TSHZ2: variants seen among roughly 807,000 people sequenced by gnomAD.
TSHZ2 encodes the protein teashirt zinc finger homeobox 2.
In TSHZ2, 21 loss-of-function variants were observed where a neutral mutation model predicts 74.4. The ratio of observed to expected loss-of-function variants is 0.28; its 90% confidence interval spans 0.20 to 0.41. The LOEUF is 0.41. Among genes scored for constraint, TSHZ2 ranks in the 10% least tolerant of loss-of-function variants. TSHZ2 has a pLI of 1.00. For missense variants in TSHZ2, 1,244 were observed against 1,293.5 expected (o/e 0.96, Z 0.59); for synonymous variants, 540 against 515.3 (o/e 1.05, Z -0.65).
chr20:53,251,238 C>T (rs1990323147), intron 1 of TSHZ2, among the ~76,000 whole-genome samples: 1 of 152,154 alleles, frequency 6.6e-6, no homozygotes, highest in Non-Finnish European at 1.5e-5. Flanking sequence ...AGCGTATGTT[C>T]CAGAGTAATA....
intron 2 of TSHZ2, among the ~76,000 whole-genome samples, chr20:53,272,971 C>T (rs1184570552): frequency 6.6e-6 from 1 of 152,178 alleles, no homozygotes; most frequent in Admixed American, 6.5e-5. Context: ...GACAGGGCCA[C>T]CTACTTTAAA....
chr20:53,040,535 C>T (rs1984000141), intron 1 of TSHZ2, among the ~76,000 whole-genome samples: 1 of 152,122 alleles, frequency 6.6e-6, no homozygotes, highest in South Asian at 2.1e-4. Flanking sequence ...AAACTGGGCT[C>T]TCTGAGTGCA....
chr20:53,347,071 C>T (rs1219890071), intron 2 of TSHZ2, among the ~76,000 whole-genome samples: 1 of 152,176 alleles, frequency 6.6e-6, no homozygotes, highest in Non-Finnish European at 1.5e-5. Flanking sequence ...GGAAAGCAGT[C>T]CCTCACCCTA....
intron 2 of TSHZ2, among the ~76,000 whole-genome samples, chr20:53,338,989 C>CA (rs1438432189): frequency 6.6e-6 from 1 of 152,178 alleles, no homozygotes; most frequent in African/African-American, 2.4e-5. Flanking sequence ...CCAATGCATA[C>CA]ATTTAAGAAA....
rs1166002475 is a variant in TSHZ2, at chr20:53,491,034, A to AT, written c.*3905dup. On this transcript the variant is annotated 3_prime_UTR_variant, in exon 3 of 3. Transcript: ENST00000371497. ...CTTCTTTTCTTTTTCATTGAGTTTC[A>AT]TTTTTTAAGCTTGTTAAATGCTTTT... 4 of 149,550 alleles carry AT rather than the reference A, an allele frequency of 2.7e-5. No homozygotes were observed. Among genetic ancestry groups the AT allele is most frequent in the African/African-American group, 7.4e-5 (3 of 40,396 alleles). The allele number at this position is 149,550 out of a possible 1,614,324, so 9.3% of individuals were successfully genotyped here. A position where few individuals can be genotyped will look rare whatever the true frequency, so the allele number is the denominator to read the frequency against.
chr20:53,190,131 ATATATATT>A lies in TSHZ2; in HGVS notation c.41-63366_41-63359del, dbSNP rs1324082031. On this transcript the variant is annotated intron_variant, in intron 1 of 2. Coordinates refer to ENST00000371497, the MANE Select transcript of TSHZ2 (RefSeq NM_173485.6). The stretch of plus-strand genomic sequence containing the variant: ...TATATATATATATATATATATATAT[ATATATATT>A]TTCTTAAATGCCTCTGTTTCTTTTT... 2.5e-3 allele frequency among the ~76,000 whole-genome samples: 215 copies of A among 87,014 alleles called. 12 individuals carry two copies. The East Asian group carries it at 0.025, about 10-fold the overall frequency. 57.1% of individuals were successfully genotyped at this position (87,014 alleles called of 152,430 possible).
intron 2 of TSHZ2, among the ~76,000 whole-genome samples, chr20:53,408,054 C>A (rs1982912465): frequency 6.6e-6 from 1 of 152,186 alleles, no homozygotes; most frequent in African/African-American, 2.4e-5. Context: ...AAACATGAGA[C>A]CCTCTGAGTT....
intron 1 of TSHZ2, among the ~76,000 whole-genome samples, chr20:53,047,350 C>G (rs757749237): frequency 2.0e-5 from 3 of 152,192 alleles, no homozygotes; most frequent in Non-Finnish European, 2.9e-5. Context: ...AGTACCTTCT[C>G]TTTGGTTGCT....
At chr20:53,143,979 G>A (rs184939988) in intron 1 of TSHZ2, among the ~76,000 whole-genome samples, 93 of 152,228 alleles carry the variant, frequency 6.1e-4, no homozygotes, top group African/African-American at 2.2e-3. Flanking sequence ...GGGGAGTGCT[G>A]ATTGATAAGT....
intron 2 of TSHZ2, among the ~76,000 whole-genome samples, chr20:53,383,669 G>A (rs183229972): frequency 2.6e-5 from 4 of 152,138 alleles, no homozygotes; most frequent in Non-Finnish European, 5.9e-5. Flanking sequence ...GCTGAAGCAG[G>A]AGAATCTCTT....
Position 53,253,579 on chromosome 20 carries a change from C to T in TSHZ2, c.121C>T (p.Gln41Ter). Residue 41 changes from glutamine to a stop codon, truncating the protein, a stop_gained, in exon 2 of 3, where the codon CAA (glutamine) becomes TAA (stop). Coordinates refer to ENST00000371497, the MANE Select transcript of TSHZ2 (RefSeq NM_173485.6). LOFTEE classifies it high-confidence loss of function. ...GGAGGAGGACAGCGGTTCAGTAGCTCAACTGCAGGGTGGCAATGACACAGG... is the reference window on the plus strand; with the variant it reads ...GGAGGAGGACAGCGGTTCAGTAGCTTAACTGCAGGGTGGCAATGACACAGG... ...EEEEDSGSVA[Q>*]LQGGNDTGTD... The T allele has an allele frequency of 6.2e-7, 1 of 1,614,014 alleles. No individual in the cohort carries two copies.
At chr20:53,325,084 A>T (rs1183071184) in intron 2 of TSHZ2, among the ~76,000 whole-genome samples, 1 of 152,220 alleles carries the variant, frequency 6.6e-6, no homozygotes, top group Non-Finnish European at 1.5e-5. Flanking sequence ...GTCTTGGTTA[A>T]ACTGTCTTAC....
chr20:53,147,572 T>C (rs1474581132), intron 1 of TSHZ2, among the ~76,000 whole-genome samples: 1 of 152,184 alleles, frequency 6.6e-6, no homozygotes, highest in East Asian at 1.9e-4. Flanking sequence ...GAAAAGAAAT[T>C]TTTGATTGTT....
At chr20:53,323,417 G>GAATGAATGAATGAATA (rs1979353141) in intron 2 of TSHZ2, among the ~76,000 whole-genome samples, 1 of 151,964 alleles carries the variant, frequency 6.6e-6, no homozygotes, top group African/African-American at 2.4e-5. Flanking sequence ...TTTGATGAAT[G>GAATGAATGAATGAATA]AATGAATGAA....
chr20:53,019,318 A>G (rs552058682), intron 1 of TSHZ2, among the ~76,000 whole-genome samples: 13 of 152,096 alleles, frequency 8.5e-5, no homozygotes, highest in South Asian at 8.3e-4. Flanking sequence ...ATATAGAATT[A>G]GAGCCTTCTT....
chr20:53,390,586 G>A (rs4811427), intron 2 of TSHZ2, among the ~76,000 whole-genome samples: 13,741 of 152,232 alleles, frequency 0.09, 1,666 homozygotes, highest in African/African-American at 0.27. Context: ...GCTATTGTGA[G>A]CAGTGCTCCA....
chr20:53,323,136 G>C (rs997788606), intron 2 of TSHZ2, among the ~76,000 whole-genome samples: 1 of 152,198 alleles, frequency 6.6e-6, no homozygotes, highest in African/African-American at 2.4e-5. Context: ...CCTGGGAGAA[G>C]ATTCTTTCCA....
intron 1 of TSHZ2, among the ~76,000 whole-genome samples, chr20:53,014,397 C>A (rs1320178054): frequency 6.6e-6 from 1 of 152,104 alleles, no homozygotes; most frequent in Non-Finnish European, 1.5e-5. Context: ...TCGATAGCAG[C>A]ATGTTGAAGT....
chr20:53,354,388 T>C (rs1980766540), intron 2 of TSHZ2, among the ~76,000 whole-genome samples: 1 of 152,222 alleles, frequency 6.6e-6, no homozygotes, highest in Non-Finnish European at 1.5e-5. Context: ...AAATTCTGAC[T>C]GGAATAGATT....
Sources: gnomAD v4.1 joint callset for allele counts (sites outside exome capture counted in the v4.1 genomes callset) on GRCh38, gnomAD v4.1.1 for gene constraint, MANE v1.5 for transcripts, NCBI Gene and HGNC (gene_info 2026-07-23, HGNC 2026-07-21) for gene names.